PLCB4: variants seen among roughly 807,000 people sequenced by gnomAD.
PLCB4 encodes the protein phospholipase C beta 4, also known as 1-phosphatidylinositol 4,5-bisphosphate phosphodiesterase beta-4.
PLCB4 carries 77 observed loss-of-function variants against 178.8 expected under a neutral mutation model. That is an observed-to-expected ratio of 0.43 (90% CI 0.36 to 0.52). The LOEUF (loss-of-function observed/expected upper bound fraction) is 0.52, where lower values mean the gene tolerates loss of function less well. Among genes scored for constraint, PLCB4 ranks in the 20% least tolerant of loss-of-function variants. The pLI, the probability that PLCB4 is intolerant of heterozygous loss-of-function variation, is 0.00. For synonymous variants in PLCB4, 496 were observed against 490.8 expected (o/e 1.01, Z -0.14); for missense variants, 1,024 against 1,453.4 (o/e 0.70, Z 4.80).
At chr20:9,316,900 C>G (rs1212627620) in intron 4 of PLCB4, among the ~76,000 whole-genome samples, 3 of 152,172 alleles carry the variant, frequency 2.0e-5, no homozygotes, top group Non-Finnish European at 4.4e-5. Flanking sequence ...GCTCCCAAAG[C>G]TCAGAGCTCA....
intron 3 of PLCB4, among the ~76,000 whole-genome samples, chr20:9,248,057 A>G (rs2094143280): frequency 6.6e-6 from 1 of 152,130 alleles, no homozygotes; most frequent in Admixed American, 6.6e-5. Flanking sequence ...GAACTGTAGT[A>G]TTGTGGACAA....
chr20:9,217,602 C>T (rs1444556185), intron 3 of PLCB4, 150 bp downstream of exon 3: 1 of 152,218 alleles, frequency 6.6e-6, no homozygotes, highest in East Asian at 1.9e-4. Flanking sequence ...TGCGGCAGAG[C>T]ATTAAGCAGG....
chr20:9,282,562 T>C (rs1462102844), intron 3 of PLCB4, among the ~76,000 whole-genome samples: 1 of 151,994 alleles, frequency 6.6e-6, no homozygotes, highest in Non-Finnish European at 1.5e-5. Context: ...TTCAATAATA[T>C]CATTTATATA....
At position 9,480,462 on chromosome 20, in the gene PLCB4, A is replaced by G. The variant is rs917738187; in HGVS notation, c.*1453A>G. ...AAACTTCCAACTTCTCTAATAAAAA[A>G]TTAAAACACGCATAACACTCGTCAA... On this transcript the variant is annotated 3_prime_UTR_variant, in exon 40 of 40. Coordinates refer to ENST00000378473, the MANE Select transcript of PLCB4 (RefSeq NM_001377142.1). 1 of 152,676 alleles carries G rather than the reference A, an allele frequency of 6.5e-6. No individual in the cohort carries two copies. The highest frequency in any genetic ancestry group is 1.5e-5 in the Non-Finnish European group (1 of 68,048). 9.5% of individuals were successfully genotyped at this position (152,676 alleles called of 1,614,324 possible).
chr20:9,424,275 A>T (rs531663885), intron 28 of PLCB4, among the ~76,000 whole-genome samples: 8 of 152,348 alleles, frequency 5.3e-5, no homozygotes, highest in African/African-American at 1.4e-4. Context: ...AAAAAACATA[A>T]ATAAGGTGAA....
intron 2 of PLCB4, among the ~76,000 whole-genome samples, chr20:9,187,053 C>G (rs1463009348): frequency 6.6e-6 from 1 of 152,144 alleles, no homozygotes; most frequent in Non-Finnish European, 1.5e-5. Context: ...CAGCTTACTG[C>G]AAACTTCACC....
chr20:9,192,820 A>T (rs548709205), intron 2 of PLCB4, among the ~76,000 whole-genome samples: 1 of 152,104 alleles, frequency 6.6e-6, no homozygotes, highest in South Asian at 2.1e-4. Flanking sequence ...AGAAAAAAAA[A>T]TGTCAAGACA....
chr20:9,153,541 C>T (rs561131037), intron 2 of PLCB4, among the ~76,000 whole-genome samples: 1 of 152,288 alleles, frequency 6.6e-6, no homozygotes, highest in South Asian at 2.1e-4. Flanking sequence ...ATTCTGAGGC[C>T]TCCCTAACCA....
chr20:9,109,841 A>T (rs1448712818), intron 2 of PLCB4, among the ~76,000 whole-genome samples: 5 of 152,142 alleles, frequency 3.3e-5, no homozygotes, highest in African/African-American at 4.8e-5. Context: ...TCAAAATCTC[A>T]GTCTTCTGGA....
chr20:9,344,770 C>T lies in PLCB4; in HGVS notation c.369+5733C>T, dbSNP rs144286465. Among the ~76,000 whole-genome samples, 64 of 152,290 alleles carry T rather than the reference C, an allele frequency of 4.2e-4. No homozygotes were observed. The East Asian group carries it at 0.01, about 24-fold the overall frequency. On this transcript the variant is annotated intron_variant, in intron 7 of 39. Coordinates refer to ENST00000378473, the MANE Select transcript of PLCB4 (RefSeq NM_001377142.1). ...CTGCTGCTAAGAATCCATGACGAGACTGGAGGTTTTGACCCTGGTGTCCTG... is the reference window on the plus strand; with the variant it reads ...CTGCTGCTAAGAATCCATGACGAGATTGGAGGTTTTGACCCTGGTGTCCTG...
chr20:9,479,050 C>A lies in PLCB4; in HGVS notation c.*41C>A. The A allele has an allele frequency of 7.4e-7, 1 of 1,357,186 alleles. No homozygotes were observed. The highest frequency in any genetic ancestry group is 1.1e-6 in the Non-Finnish European group (1 of 948,916). The allele number at this position is 1,357,186 out of a possible 1,614,324, so 84.1% of individuals were successfully genotyped here. ...AAGCATCAAAAGACTCACTCACAAACTTCTGAACACAAACTCCATGGATGA... is the reference window on the plus strand; with the variant it reads ...AAGCATCAAAAGACTCACTCACAAAATTCTGAACACAAACTCCATGGATGA... On this transcript the variant is annotated 3_prime_UTR_variant, in exon 40 of 40. Transcript: ENST00000378473.
intron 4 of PLCB4, among the ~76,000 whole-genome samples, chr20:9,313,777 C>T (rs1338141560): frequency 1.3e-5 from 2 of 152,140 alleles, no homozygotes; most frequent in African/African-American, 4.8e-5. Context: ...ACCGCTATAC[C>T]ACCACCACCA....
At chr20:9,207,157 A>G (rs909484353) in intron 2 of PLCB4, among the ~76,000 whole-genome samples, 1 of 152,128 alleles carries the variant, frequency 6.6e-6, no homozygotes, top group African/African-American at 2.4e-5. Flanking sequence ...CCCAAAACAA[A>G]CGATACCACA....
chr20:9,270,208 A>G (rs2094389219), intron 3 of PLCB4, among the ~76,000 whole-genome samples: 1 of 152,188 alleles, frequency 6.6e-6, no homozygotes, highest in Non-Finnish European at 1.5e-5. Context: ...AGGTACAAAC[A>G]GTAAAATTCA....
intron 3 of PLCB4, among the ~76,000 whole-genome samples, chr20:9,292,718 C>A (rs2094590965): frequency 6.6e-6 from 1 of 152,100 alleles, no homozygotes; most frequent in Admixed American, 6.6e-5. Context: ...GAGTGGAGAA[C>A]AAAACACTGT....
intron 26 of PLCB4, among the ~76,000 whole-genome samples, chr20:9,420,315 A>G (rs1437397787): frequency 1.3e-5 from 2 of 152,092 alleles, no homozygotes; most frequent in African/African-American, 4.8e-5. Flanking sequence ...ATATGTCCCA[A>G]CTGATCTAAT....
chr20:9,269,057 CA>C (rs1381309619), intron 3 of PLCB4, among the ~76,000 whole-genome samples: 2 of 152,066 alleles, frequency 1.3e-5, no homozygotes, highest in African/African-American at 4.8e-5. Context: ...CACATGGGAT[CA>C]AAAAAATGAG....
intron 15 of PLCB4, among the ~76,000 whole-genome samples, chr20:9,388,653 A>G (rs1392042092): frequency 6.6e-6 from 1 of 152,208 alleles, no homozygotes; most frequent in Non-Finnish European, 1.5e-5. Context: ...CAGAGGTTGC[A>G]GTGAAACCAG....
At chr20:9,425,051 T>C (rs78661265) in intron 28 of PLCB4, among the ~76,000 whole-genome samples, 1 of 133,854 alleles carries the variant, frequency 7.5e-6, no homozygotes, top group East Asian at 2.1e-4. Flanking sequence ...TTGTCTTTCA[T>C]AAAAAAAAAA....
Sources: gnomAD v4.1 joint callset for allele counts (sites outside exome capture counted in the v4.1 genomes callset) on GRCh38, gnomAD v4.1.1 for gene constraint, MANE v1.5 for transcripts, NCBI Gene and HGNC (gene_info 2026-07-23, HGNC 2026-07-21) for gene names.